KDM4C: variants seen among roughly 807,000 people sequenced by gnomAD.
The protein encoded by KDM4C is lysine-specific demethylase 4C.
In KDM4C, 81 loss-of-function variants were observed where a neutral mutation model predicts 129.3. The observed-to-expected ratio is 0.63, with a 90% CI of 0.52 to 0.75. The LOEUF is 0.75. Ranked by LOEUF, KDM4C falls within the 30% of genes least tolerant of loss-of-function variation. KDM4C has a pLI of 0.00. For missense variants in KDM4C, 1,457 were observed against 1,304.0 expected (o/e 1.12, Z -1.81); for synonymous variants, 573 against 456.1 (o/e 1.26, Z -3.26).
At chr9:6,959,103 T>A (rs1184398212) in intron 8 of KDM4C, among the ~76,000 whole-genome samples, 1 of 152,180 alleles carries the variant, frequency 6.6e-6, no homozygotes, top group Non-Finnish European at 1.5e-5. Flanking sequence ...TTCAGAGATA[T>A]CCAGGAACCC....
At chr9:6,832,512 G>A (rs1288775032) in intron 4 of KDM4C, among the ~76,000 whole-genome samples, 10 of 136,972 alleles carry the variant, frequency 7.3e-5, no homozygotes, top group Non-Finnish European at 1.2e-4. Flanking sequence ...TGCAAGCTCC[G>A]CCTCCTGGGT....
chr9:6,893,734 T>C (rs984638503), intron 8 of KDM4C: 15 of 152,242 alleles, frequency 9.9e-5, no homozygotes, highest in African/African-American at 3.6e-4. Context: ...TAGAACACAT[T>C]TTAACAGGAA....
chr9:7,011,888 G>C lies in KDM4C; in HGVS notation c.1968+9G>C. ...TCATGCCGTACCACAAGGTAAAGGA[G>C]CCTGCTATCATAGTTCCCTTCACTG... On this transcript the variant is annotated intron_variant, in intron 13 of 21. Transcript: ENST00000381309. The C allele has an allele frequency of 1.9e-6, 3 of 1,610,126 alleles. No individual in the cohort carries two copies. Among genetic ancestry groups the C allele is most frequent in the Non-Finnish European group, 2.5e-6 (3 of 1,177,472 alleles).
intron 1 of KDM4C, among the ~76,000 whole-genome samples, chr9:6,742,993 A>G (rs1817751900): frequency 6.6e-6 from 1 of 152,118 alleles, no homozygotes; most frequent in African/African-American, 2.4e-5. Context: ...CCTGGGTGAC[A>G]GGGCGAGGCT....
intron 17 of KDM4C, among the ~76,000 whole-genome samples, chr9:7,061,893 CT>C (rs1277763845): frequency 1.3e-5 from 2 of 152,230 alleles, no homozygotes; most frequent in African/African-American, 4.8e-5. Flanking sequence ...TACATTACCC[CT>C]CACCCTAATT....
intron 15 of KDM4C, among the ~76,000 whole-genome samples, chr9:7,040,750 C>T (rs1828450177): frequency 6.6e-6 from 1 of 151,640 alleles, no homozygotes; most frequent in Non-Finnish European, 1.5e-5. Context: ...GGTTAGATGT[C>T]ACTTGTAACT....
intron 17 of KDM4C, among the ~76,000 whole-genome samples, chr9:7,080,425 G>T (rs922092639): frequency 1.3e-5 from 2 of 152,172 alleles, no homozygotes; most frequent in Non-Finnish European, 2.9e-5. Context: ...GTGAGGTTCT[G>T]TTGTGTTAAG....
intron 8 of KDM4C, among the ~76,000 whole-genome samples, chr9:6,906,910 A>G (rs1001233817): frequency 1.3e-5 from 2 of 152,236 alleles, no homozygotes; most frequent in African/African-American, 4.8e-5. Flanking sequence ...TTGTTTATTT[A>G]TATGGGTGAC....
Position 7,047,142 on chromosome 9 carries a change from C to T in KDM4C, c.2315+225C>T, listed in dbSNP as rs186868466. Among the ~76,000 whole-genome samples, 69 of 152,032 alleles carry T rather than the reference C, an allele frequency of 4.5e-4. 1 individual carries two copies. The highest frequency in any genetic ancestry group is 4.3e-3 in the Admixed American group (66 of 15,252). Reference sequence around the variant, plus strand: ...ATGCTTCTCTTCTTTGTATTTGACACCATGAAAAATAACCCCTCTTTTACT... The same window carrying T: ...ATGCTTCTCTTCTTTGTATTTGACATCATGAAAAATAACCCCTCTTTTACT... On this transcript the variant is annotated intron_variant, in intron 16 of 21. Transcript: ENST00000381309.
intron 8 of KDM4C, among the ~76,000 whole-genome samples, chr9:6,949,530 C>T (rs1268409121): frequency 6.6e-6 from 1 of 152,236 alleles, no homozygotes; most frequent in South Asian, 2.1e-4. Flanking sequence ...GATCACGCCA[C>T]TGCCCTCCAG....
chr9:6,780,651 C>T (rs1305554429), intron 1 of KDM4C, among the ~76,000 whole-genome samples: 1 of 151,052 alleles, frequency 6.6e-6, no homozygotes, highest in Non-Finnish European at 1.5e-5. Context: ...CCTGTAATCC[C>T]AGCTACTTGG....
intron 5 of KDM4C, 65 bp downstream of exon 5, chr9:6,849,765 G>A: frequency 7.6e-7 from 1 of 1,309,906 alleles, no homozygotes; most frequent in Non-Finnish European, 1.1e-6. Context: ...GGCACATATT[G>A]AAGAGGATTT....
intron 8 of KDM4C, among the ~76,000 whole-genome samples, chr9:6,943,982 C>G (rs1427688954): frequency 6.6e-6 from 1 of 152,112 alleles, no homozygotes; most frequent in East Asian, 1.9e-4. Context: ...TGGATCCTTG[C>G]TAATTTTCAG....
At chr9:6,779,713 T>C (rs1296193844) in intron 1 of KDM4C, among the ~76,000 whole-genome samples, 6 of 152,188 alleles carry the variant, frequency 3.9e-5, no homozygotes, top group Non-Finnish European at 7.3e-5. Context: ...CCTTTCTGCT[T>C]AAGTTAACCA....
chr9:6,946,427 G>T (rs370056545), intron 8 of KDM4C, among the ~76,000 whole-genome samples: 3 of 152,060 alleles, frequency 2.0e-5, no homozygotes, highest in South Asian at 4.1e-4. Flanking sequence ...ATATGGCAAG[G>T]TGATTCAGTT....
At position 6,781,046 on chromosome 9, in the gene KDM4C, C is replaced by T. The variant is rs564329636; in HGVS notation, c.-17-11926C>T. Among the ~76,000 whole-genome samples the T allele has an allele frequency of 3.2e-4, 48 of 152,176 alleles. 1 individual carries two copies. The highest frequency in any genetic ancestry group is 1.2e-3 in the South Asian group (6 of 4,826). ...ATATAGCAGACAGTAGCTGCTGTAG[C>T]CCCTCATGGCATTGTCTCTGCTCTC... On this transcript the variant is annotated intron_variant, in intron 1 of 21. Transcript: ENST00000381309.
chr9:7,098,688 T>A (rs186031121), intron 17 of KDM4C, among the ~76,000 whole-genome samples: 1 of 152,210 alleles, frequency 6.6e-6, no homozygotes, highest in Admixed American at 6.5e-5. Context: ...TTTAGCTGAC[T>A]AGATAAATTG....
At chr9:6,768,476 G>A (rs1289980188) in intron 1 of KDM4C, among the ~76,000 whole-genome samples, 1 of 151,706 alleles carries the variant, frequency 6.6e-6, no homozygotes, top group Non-Finnish European at 1.5e-5. Context: ...AACTCAATGT[G>A]TATTTCCTAC....
At chr9:7,026,716 G>A (rs10975990) in intron 15 of KDM4C, among the ~76,000 whole-genome samples, 79,632 of 151,684 alleles carry the variant, frequency 0.52, 21,202 homozygotes, top group South Asian at 0.7. Flanking sequence ...TAAGGCTAGT[G>A]ACTCTCAGAT....
Sources: gnomAD v4.1 joint callset for allele counts (sites outside exome capture counted in the v4.1 genomes callset) on GRCh38, gnomAD v4.1.1 for gene constraint, MANE v1.5 for transcripts, NCBI Gene and HGNC (gene_info 2026-07-23, HGNC 2026-07-21) for gene names.